DYNC2H1: variants seen among roughly 807,000 people sequenced by gnomAD.
The protein encoded by DYNC2H1 is dynein cytoplasmic 2 heavy chain 1.
DYNC2H1 carries 410 observed loss-of-function variants against 570.0 expected under a neutral mutation model. The ratio of observed to expected loss-of-function variants is 0.72; its 90% CI spans 0.66 to 0.78. The LOEUF is 0.78. Among genes scored for constraint, DYNC2H1 ranks in the 30% least tolerant of loss-of-function variants. The probability of loss-of-function intolerance (pLI) is 0.00; values close to 1 mark genes in which losing one functional copy is unlikely to be tolerated. For synonymous variants in DYNC2H1, 1,688 were observed against 1,677.6 expected, an observed-to-expected ratio of 1.01 and a Z score of -0.15; for missense variants, 4,865 against 5,046.4, an observed-to-expected ratio of 0.96 and a Z score of 1.09.
intron 18 of DYNC2H1, among the ~76,000 whole-genome samples, chr11:103,144,951 G>C (rs11225568): frequency 0.22 from 32,955 of 151,622 alleles, 3,753 homozygotes; most frequent in Middle Eastern, 0.35. Context: ...CATGATATAT[G>C]CTCACTGCAA....
At chr11:103,263,410 T>G (rs1474018873) in intron 70 of DYNC2H1, among the ~76,000 whole-genome samples, 1 of 152,090 alleles carries the variant, frequency 6.6e-6, no homozygotes, top group Non-Finnish European at 1.5e-5. Context: ...GAATGTACAT[T>G]TTTCTCAGCA....
intron 83 of DYNC2H1, among the ~76,000 whole-genome samples, chr11:103,381,315 G>A (rs941824735): frequency 6.6e-6 from 1 of 151,914 alleles, no homozygotes; most frequent in Non-Finnish European, 1.5e-5. Flanking sequence ...TGAAACATGT[G>A]GACTTTTCAT....
intron 71 of DYNC2H1, among the ~76,000 whole-genome samples, chr11:103,281,041 T>TATC (rs1475516595): frequency 6.6e-6 from 1 of 152,102 alleles, no homozygotes; most frequent in African/African-American, 2.4e-5. Flanking sequence ...ATGATGCTGT[T>TATC]ATCATAAAGT....
At chr11:103,379,952 GAATT>G (rs1168592083) in intron 83 of DYNC2H1, among the ~76,000 whole-genome samples, 1 of 152,088 alleles carries the variant, frequency 6.6e-6, no homozygotes, top group African/African-American at 2.4e-5. Context: ...GAATAAACAG[GAATT>G]ATTTGGGGAG....
At position 103,219,922 on chromosome 11, in the gene DYNC2H1, G is replaced by A; in HGVS notation, c.8840G>A (p.Ser2947Asn). 1 of 1,516,808 alleles carries A rather than the reference G, an allele frequency of 6.6e-7. No individual in the cohort carries two copies. Among genetic ancestry groups the A allele is most frequent in the Non-Finnish European group, 8.8e-7 (1 of 1,137,770 alleles). The allele number at this position is 1,516,808 out of a possible 1,614,324, so 94.0% of individuals were successfully genotyped here. A position where few individuals can be genotyped will look rare whatever the true frequency, so the allele number is the denominator to read the frequency against. ...QMITVSMQDA[S>N]EQKTELERLK... ...ACTTAAATATTCTTATAGGATGCTA[G>A]TGAGCAAAAAACAGAACTTGAAAGA... The change falls in exon 56 of 89, where the codon AGT becomes AAT. Residue 2947 changes from serine to asparagine, a missense_variant. By Grantham distance (46) the Ser-to-Asn change is conservative. This residue lies in a region of DYNC2H1 where 2,401 missense variants were observed against 2,454.6 expected (regional missense o/e 0.98). Transcript: ENST00000375735.
chr11:103,217,079 G>A (rs953875815), intron 55 of DYNC2H1, among the ~76,000 whole-genome samples: 1 of 152,030 alleles, frequency 6.6e-6, no homozygotes, highest in African/African-American at 2.4e-5. Context: ...CTTGGTAACT[G>A]TTACCTTGTC....
rs368644023 is a variant in DYNC2H1 at position 103,243,753 on chromosome 11, C to A, written c.9880C>A (p.His3294Asn). The A allele has an allele frequency of 8.1e-6, 13 of 1,604,502 alleles. No homozygotes were observed. Among genetic ancestry groups the A allele is most frequent in the Middle Eastern group, 1.7e-4 (1 of 6,012 alleles). The change falls in exon 64 of 89, where the codon CAT becomes AAT. Residue 3294 changes from histidine to asparagine, a missense_variant. By Grantham distance (68) the His-to-Asn change is moderately conservative (BLOSUM62 1). Around this residue, in one of 5 missense-constraint regions of DYNC2H1, gnomAD observed 2,401 missense variants for 2,454.6 expected, o/e 0.98. Transcript: ENST00000375735. This position sits in a 1 kb window ranked among gnomAD's most constrained non-coding sequence, Gnocchi z 4.8. ...SSQATEWLKT[H>N]LKDSRLEVIN... ...CCAAGCTACAGAGTGGTTAAAAACACATTTGAAAGACTCACGTTTAGAAGT... is the reference window on the plus strand; with the variant it reads ...CCAAGCTACAGAGTGGTTAAAAACAAATTTGAAAGACTCACGTTTAGAAGT...
intron 83 of DYNC2H1, among the ~76,000 whole-genome samples, chr11:103,375,410 T>A (rs1189032387): frequency 1.3e-5 from 2 of 152,090 alleles, no homozygotes; most frequent in Admixed American, 6.6e-5. Flanking sequence ...AAGGCCACCA[T>A]CCTCCAGACC....
At position 103,280,344 on chromosome 11, in the gene DYNC2H1, G is replaced by T; in HGVS notation, c.10696-4G>T. The T allele has an allele frequency of 1.3e-6, 2 of 1,553,462 alleles. No individual in the cohort carries two copies. The highest frequency in any genetic ancestry group is 1.2e-5 in the South Asian group (1 of 84,224). On this transcript the variant is annotated splice_polypyrimidine_tract_variant and splice_region_variant and intron_variant, in intron 70 of 88. Coordinates refer to ENST00000375735, the MANE Select transcript of DYNC2H1 (RefSeq NM_001377.3). This position sits in a 1 kb window ranked among gnomAD's most constrained non-coding sequence, Gnocchi z 4.7. ...GGCAAGATAATATCTGTTATTCTTT[G>T]CAGGCTGATCAGTTGATGTTCGCTT... is the stretch of plus-strand genomic sequence containing the variant.
intron 83 of DYNC2H1, among the ~76,000 whole-genome samples, chr11:103,378,525 C>T (rs1472548270): frequency 1.3e-5 from 2 of 152,140 alleles, no homozygotes; most frequent in Non-Finnish European, 2.9e-5. Flanking sequence ...TGCTTAGATA[C>T]TTCAGGTTTT....
chr11:103,314,209 G>A (rs974460237), intron 79 of DYNC2H1, among the ~76,000 whole-genome samples: 1 of 152,046 alleles, frequency 6.6e-6, no homozygotes, highest in Non-Finnish European at 1.5e-5. Flanking sequence ...ACCATTTCTT[G>A]TTTGTGCTTC....
intron 82 of DYNC2H1, among the ~76,000 whole-genome samples, chr11:103,345,170 G>T (rs773981511): frequency 1.4e-4 from 22 of 151,948 alleles, no homozygotes; most frequent in Non-Finnish European, 2.2e-4. Flanking sequence ...CATTATTGTG[G>T]TTGGTTTGGC....
chr11:103,479,034 C>T lies in DYNC2H1; in HGVS notation c.12766-61C>T, dbSNP rs1470204778. Reference sequence around the variant, plus strand: ...TTAATATGTTTGTTTCCTTGGTTATCTAATAATCTGTTTCCAAATAGTGTA... The same window carrying T: ...TTAATATGTTTGTTTCCTTGGTTATTTAATAATCTGTTTCCAAATAGTGTA... On this transcript the variant is annotated intron_variant, in intron 88 of 88. Transcript: ENST00000375735. 10 of 1,558,714 alleles carry T rather than the reference C, an allele frequency of 6.4e-6. No individual in the cohort carries two copies. The African/African-American group carries it at 9.5e-5, about 15-fold the overall frequency.
At chr11:103,200,768 C>A (rs181936272) in intron 50 of DYNC2H1, among the ~76,000 whole-genome samples, 8 of 152,154 alleles carry the variant, frequency 5.3e-5, no homozygotes, top group African/African-American at 1.9e-4. Flanking sequence ...AATGCACATT[C>A]TCCTTCTTCA....
At chr11:103,312,560 A>AC (rs1867647602) in intron 79 of DYNC2H1, among the ~76,000 whole-genome samples, 2 of 111,208 alleles carry the variant, frequency 1.8e-5, no homozygotes, top group Non-Finnish European at 4.1e-5. Context: ...AAAAAAAAAA[A>AC]AAAAAACCAA....
chr11:103,371,867 G>A (rs1208075586), intron 83 of DYNC2H1, among the ~76,000 whole-genome samples: 1 of 138,472 alleles, frequency 7.2e-6, no homozygotes, highest in Non-Finnish European at 1.5e-5. Flanking sequence ...AGAGTTTTCT[G>A]TATATAAGAT....
At position 103,211,870 on chromosome 11, in the gene DYNC2H1, C is replaced by T. The variant is rs1274718345; in HGVS notation, c.8621C>T (p.Thr2874Ile). 2 of 1,530,858 alleles carry T rather than the reference C, an allele frequency of 1.3e-6. No individual in the cohort carries two copies. The highest frequency in any genetic ancestry group is 1.8e-6 in the Non-Finnish European group (2 of 1,135,778). 94.8% of individuals were successfully genotyped at this position (1,530,858 alleles called of 1,614,324 possible). A position where few individuals can be genotyped will look rare whatever the true frequency, so the allele number is the denominator to read the frequency against. ...GGTGCTACACCAAGCCGATACATGA[C>T]CTTTTTACATGTGTATTCTGCCATT... is the stretch of plus-strand genomic sequence containing the variant. ...AYGATPSRYM[T>I]FLHVYSAISS... Residue 2874 changes from threonine to isoleucine, a missense_variant, in exon 54 of 89, where the codon ACC becomes ATC. Transcript: ENST00000375735.
At chr11:103,411,158 T>C (rs1793499) in intron 84 of DYNC2H1, among the ~76,000 whole-genome samples, 77,190 of 152,002 alleles carry the variant, frequency 0.51, 19,885 homozygotes, top group African/African-American at 0.6. Flanking sequence ...AATTAGAATA[T>C]GAGGAAAGAA....
chr11:103,283,233 G>A lies in DYNC2H1; in HGVS notation c.10890+148G>A. On this transcript the variant is annotated intron_variant, in intron 73 of 88. Coordinates refer to ENST00000375735, the MANE Select transcript of DYNC2H1 (RefSeq NM_001377.3). ...AGTAAAAAGTTACCAAAGAATTATT[G>A]TAATTAGTCCTTTAACCAGTAATTA... 1.7e-5 allele frequency: 9 copies of A among 530,564 alleles called. No homozygotes were observed. In the South Asian group the frequency reaches 3.0e-4, roughly 18 times the overall value. 32.9% of individuals were successfully genotyped at this position (530,564 alleles called of 1,614,324 possible).
Sources: gnomAD v4.1 joint callset for allele counts (sites outside exome capture counted in the v4.1 genomes callset) on GRCh38, gnomAD v4.1.1 for gene constraint, gnomAD v4.1.1 regional missense constraint, Gnocchi (gnomAD v3.1) non-coding constraint, MANE v1.5 for transcripts, NCBI Gene and HGNC (gene_info 2026-07-23, HGNC 2026-07-21) for gene names.